CUL1: variants seen among roughly 807,000 people sequenced by gnomAD.
CUL1 encodes the protein cullin-1.
CUL1 carries 24 observed loss-of-function variants against 118.0 expected under a neutral mutation model. The ratio of observed to expected loss-of-function variants is 0.20; its 90% CI spans 0.15 to 0.29. The LOEUF is 0.29. CUL1 is among the 10% of genes least tolerant of loss of function. The pLI, the probability that CUL1 is intolerant of heterozygous loss-of-function variation, is 1.00. For missense variants in CUL1, 361 were observed against 933.8 expected (o/e 0.39, Z 7.99); for synonymous variants, 332 against 340.4 (o/e 0.98, Z 0.27).
chr7:148,712,397 C>T lies in CUL1; in HGVS notation c.-162+13368C>T, dbSNP rs188859709. ...TTAGGCTGGATCCCCAGGTCTGTCC[C>T]GATACAAAGGATTCCTCCACCCTGT... is the stretch of plus-strand genomic sequence containing the variant. On this transcript the variant is annotated intron_variant, in intron 1 of 21. Coordinates refer to ENST00000325222, the MANE Select transcript of CUL1 (RefSeq NM_003592.3). Among the ~76,000 whole-genome samples, 664 of 152,272 alleles carry T rather than the reference C, an allele frequency of 4.4e-3. 7 individuals carry two copies. Among genetic ancestry groups the T allele is most frequent in the Non-Finnish European group, 3.8e-3 (258 of 68,024 alleles).
Position 148,800,447 on chromosome 7 carries a change from A to G in CUL1, c.2251-55A>G. On this transcript the variant is annotated intron_variant, in intron 21 of 21. Coordinates refer to ENST00000325222, the MANE Select transcript of CUL1 (RefSeq NM_003592.3). The surrounding 1 kb of genome is among the most constrained non-coding windows in gnomAD (Gnocchi z 4.6). ...GGCAGCCTCTCTCTGTTCTGATGAT[A>G]ATTTGTGTTTTTCTTCTCTTTCACT... is the stretch of plus-strand genomic sequence containing the variant. The G allele has an allele frequency of 7.1e-7, 1 of 1,413,378 alleles. No homozygotes were observed. The highest frequency in any genetic ancestry group is 1.0e-6 in the Non-Finnish European group (1 of 999,458). 87.6% of individuals were successfully genotyped at this position (1,413,378 alleles called of 1,614,324 possible).
intron 1 of CUL1, among the ~76,000 whole-genome samples, chr7:148,701,534 C>A (rs909140004): frequency 1.3e-5 from 2 of 152,144 alleles, no homozygotes; most frequent in Non-Finnish European, 1.5e-5. Context: ...TTTGGAAACA[C>A]GATCAGGTTT....
rs190642430 is a variant in CUL1, at chr7:148,781,415, T to G, written c.1084-2368T>G. ...GTTTTGACACTTTTCCTTTAGTAGGTTCCATGCAAGTCCTCCCATCTCACC... is the reference window on the plus strand; with the variant it reads ...GTTTTGACACTTTTCCTTTAGTAGGGTCCATGCAAGTCCTCCCATCTCACC... On this transcript the variant is annotated intron_variant, in intron 9 of 21. Transcript: ENST00000325222. 8.5e-5 allele frequency among the ~76,000 whole-genome samples: 13 copies of G among 152,250 alleles called. No homozygotes were observed. The East Asian group carries it at 2.3e-3, about 27-fold the overall frequency.
At position 148,787,186 on chromosome 7, in the gene CUL1, A is replaced by AG; in HGVS notation, c.1479+67dup. On this transcript the variant is annotated intron_variant, in intron 13 of 21. Coordinates refer to ENST00000325222, the MANE Select transcript of CUL1 (RefSeq NM_003592.3). This position sits in a 1 kb window ranked among gnomAD's most constrained non-coding sequence, Gnocchi z 5.5. ...CATTATTAAAACAGCTCTATGGCCGAGCGCGGTGGCTCATGCCTGTAATCC... is the reference window on the plus strand; with the variant it reads ...CATTATTAAAACAGCTCTATGGCCGAGGCGCGGTGGCTCATGCCTGTAATCC... The AG allele has an allele frequency of 1.9e-6, 3 of 1,550,478 alleles. No individual in the cohort carries two copies. The highest frequency in any genetic ancestry group is 1.8e-6 in the Non-Finnish European group (2 of 1,138,826).
At chr7:148,770,055 C>T (rs1020683514) in intron 9 of CUL1, among the ~76,000 whole-genome samples, 1 of 152,186 alleles carries the variant, frequency 6.6e-6, no homozygotes, top group Non-Finnish European at 1.5e-5. Context: ...ATATTTTAGG[C>T]ACTGAATAAA....
chr7:148,750,712 T>C (rs1799462225), intron 2 of CUL1, among the ~76,000 whole-genome samples: 1 of 152,218 alleles, frequency 6.6e-6, no homozygotes, highest in African/African-American at 2.4e-5. Flanking sequence ...GTGTCAAAGC[T>C]TCAAAGGACA....
Position 148,699,980 on chromosome 7 carries a change from T to G in CUL1, c.-162+951T>G, listed in dbSNP as rs184293385. On this transcript the variant is annotated intron_variant, in intron 1 of 21. Transcript: ENST00000325222. ...CGTGCAGTATTGTGTAGCGCAGACA[T>G]AAGATAAGAAAGAGAGGAATGCTTG... is the stretch of plus-strand genomic sequence containing the variant. Among the ~76,000 whole-genome samples, 607 of 151,808 alleles carry G rather than the reference T, an allele frequency of 4.0e-3. 6 individuals carry two copies. The highest frequency in any genetic ancestry group is 0.017 in the Middle Eastern group (5 of 294).
At chr7:148,769,803 G>T (rs1326442945) in intron 9 of CUL1, among the ~76,000 whole-genome samples, 3 of 152,176 alleles carry the variant, frequency 2.0e-5, no homozygotes, top group African/African-American at 7.2e-5. Flanking sequence ...CCTGAGGCAG[G>T]AGGGTCACTT....
intron 2 of CUL1, among the ~76,000 whole-genome samples, chr7:148,743,196 CT>C (rs1799200324): frequency 6.6e-6 from 1 of 152,144 alleles, no homozygotes; most frequent in Non-Finnish European, 1.5e-5. Context: ...AATAGCCTAT[CT>C]TGGTGAATGT....
In CUL1 at chr7:148,800,814, G is replaced by A; in HGVS notation, c.*232G>A. On this transcript the variant is annotated 3_prime_UTR_variant, in exon 22 of 22. Coordinates refer to ENST00000325222, the MANE Select transcript of CUL1 (RefSeq NM_003592.3). This position sits in a 1 kb window ranked among gnomAD's most constrained non-coding sequence, Gnocchi z 4.6. ...CGCCATTTACCCTAATTTAAGAACAGCGGGGACTGACCCTCCGTGCCGAGG... is the reference window on the plus strand; with the variant it reads ...CGCCATTTACCCTAATTTAAGAACAACGGGGACTGACCCTCCGTGCCGAGG... The A allele has an allele frequency of 2.2e-6, 1 of 445,666 alleles. No individual in the cohort carries two copies. The highest frequency in any genetic ancestry group is 4.0e-6 in the Non-Finnish European group (1 of 247,584). The allele number at this position is 445,666 out of a possible 1,614,324, so 27.6% of individuals were successfully genotyped here.
intron 1 of CUL1, among the ~76,000 whole-genome samples, chr7:148,718,000 C>A (rs1010434826): frequency 6.6e-6 from 1 of 152,074 alleles, no homozygotes; most frequent in African/African-American, 2.4e-5. Flanking sequence ...GAGTATAAAC[C>A]CCTCTCTATT....
chr7:148,795,533 G>A (rs546027473), intron 17 of CUL1, among the ~76,000 whole-genome samples: 90 of 152,112 alleles, frequency 5.9e-4, no homozygotes, highest in African/African-American at 2.1e-3. Context: ...TTGGGAGCCC[G>A]AGGCGGGCGG....
At chr7:148,771,533 G>T (rs1563164811) in intron 9 of CUL1, among the ~76,000 whole-genome samples, 1 of 152,162 alleles carries the variant, frequency 6.6e-6, no homozygotes, top group Admixed American at 6.6e-5. Flanking sequence ...ACCTCGGAGT[G>T]GGGAGGGGAC....
At chr7:148,755,362 A>G (rs779521124) in intron 3 of CUL1, among the ~76,000 whole-genome samples, 4 of 152,206 alleles carry the variant, frequency 2.6e-5, no homozygotes, top group South Asian at 2.1e-4. Context: ...TCTTCTGTGT[A>G]TATATTTTAA....
At chr7:148,704,399 G>A (rs971418405) in intron 1 of CUL1, among the ~76,000 whole-genome samples, 3 of 151,952 alleles carry the variant, frequency 2.0e-5, no homozygotes, top group Middle Eastern at 3.2e-3. Context: ...TTTTTTGAGA[G>A]CAAAGTACGT....
At chr7:148,701,186 A>G (rs919238136) in intron 1 of CUL1, among the ~76,000 whole-genome samples, 8 of 79,304 alleles carry the variant, frequency 1.0e-4, no homozygotes, top group Non-Finnish European at 2.2e-4. Context: ...TTCTAACTTA[A>G]ACTTAACGTT....
At chr7:148,784,206 T>A in intron 11 of CUL1, 129 bp downstream of exon 11, 1 of 739,204 alleles carries the variant, frequency 1.4e-6, no homozygotes, top group Non-Finnish European at 2.2e-6. Flanking sequence ...GAAAAATGCT[T>A]AAACATAATC....
At chr7:148,789,640 C>A in intron 14 of CUL1, 110 bp from the exon 15 acceptor site, 2 of 790,056 alleles carry the variant, frequency 2.5e-6, no homozygotes, top group Non-Finnish European at 4.2e-6. Context: ...ATTTAATGTG[C>A]TTTTTAATAA....
At chr7:148,793,708 T>G (rs1421976947) in intron 17 of CUL1, among the ~76,000 whole-genome samples, 1 of 152,256 alleles carries the variant, frequency 6.6e-6, no homozygotes, top group African/African-American at 2.4e-5. Context: ...ACATTTAAGT[T>G]GTTTCCAATT....
Sources: allele counts gnomAD v4.1 joint callset (sites outside exome capture counted in the v4.1 genomes callset), GRCh38; gene constraint gnomAD v4.1.1; non-coding constraint Gnocchi (gnomAD v3.1); transcripts MANE v1.5; gene names NCBI Gene and HGNC (gene_info 2026-07-23, HGNC 2026-07-21).